B3GNT5: variants seen among roughly 807,000 people sequenced by gnomAD.
B3GNT5 encodes the protein lactosylceramide 1,3-N-acetyl-beta-D-glucosaminyltransferase.
B3GNT5 carries 11 observed loss-of-function variants against 25.9 expected under a neutral mutation model. That is an observed-to-expected ratio of 0.42 (90% CI 0.27 to 0.70). B3GNT5 has a LOEUF of 0.70. Ranked by LOEUF, B3GNT5 falls within the 30% of genes least tolerant of loss-of-function variation. The pLI, the probability that B3GNT5 is intolerant of heterozygous loss-of-function variation, is 0.23. For synonymous variants in B3GNT5, 166 were observed against 158.6 expected (o/e 1.05, Z -0.35); for missense variants, 385 against 458.4 (o/e 0.84, Z 1.46).
chr3:183,263,299 C>T (rs1034869649), intron 1 of B3GNT5, among the ~76,000 whole-genome samples: 1 of 152,104 alleles, frequency 6.6e-6, no homozygotes, highest in African/African-American at 2.4e-5. Context: ...TTCACTGTTG[C>T]TTTTCTTCCT....
chr3:183,268,622 A>G (rs1289800026), intron 1 of B3GNT5, among the ~76,000 whole-genome samples: 2 of 152,164 alleles, frequency 1.3e-5, no homozygotes, highest in Non-Finnish European at 2.9e-5. Context: ...TGGGTGAGAA[A>G]TGACACTTGA....
At chr3:183,264,729 G>C (rs1193559586) in intron 1 of B3GNT5, among the ~76,000 whole-genome samples, 1 of 152,196 alleles carries the variant, frequency 6.6e-6, no homozygotes, top group Admixed American at 6.5e-5. Flanking sequence ...TTGACAGCAG[G>C]GGTAAGGTTT....
intron 1 of B3GNT5, among the ~76,000 whole-genome samples, chr3:183,255,765 C>A (rs187397172): frequency 2.7e-5 from 4 of 150,074 alleles, no homozygotes; most frequent in African/African-American, 9.9e-5. Context: ...AAATGGTGAT[C>A]AGTTTTCTCT....
chr3:183,264,935 G>T (rs1288508537), intron 1 of B3GNT5, among the ~76,000 whole-genome samples: 2 of 152,120 alleles, frequency 1.3e-5, no homozygotes, highest in Non-Finnish European at 2.9e-5. Flanking sequence ...TTATTCTTCT[G>T]ACTACCTCTA....
intron 1 of B3GNT5, among the ~76,000 whole-genome samples, chr3:183,260,638 C>T (rs1305178867): frequency 1.3e-5 from 2 of 152,026 alleles, no homozygotes; most frequent in Non-Finnish European, 2.9e-5. Context: ...CTGTCTTTAC[C>T]CATTTGTTCA....
At chr3:183,269,037 T>A (rs1726438368) in intron 1 of B3GNT5, among the ~76,000 whole-genome samples, 1 of 152,136 alleles carries the variant, frequency 6.6e-6, no homozygotes, top group South Asian at 2.1e-4. Context: ...AAAAGAAGTC[T>A]TACTCTTATT....
At position 183,270,270 on chromosome 3, in the gene B3GNT5, C is replaced by A. The variant is rs1560389304; in HGVS notation, c.472C>A (p.Gln158Lys). 1 of 1,614,134 alleles carries A rather than the reference C, an allele frequency of 6.2e-7. No homozygotes were observed. The highest frequency in any genetic ancestry group is 8.5e-7 in the Non-Finnish European group (1 of 1,180,004). The change falls in exon 2 of 2, where the codon CAG becomes AAG. Residue 158 changes from glutamine to lysine, a missense_variant. Coordinates refer to ENST00000326505, the MANE Select transcript of B3GNT5 (RefSeq NM_032047.5). This position sits in a 1 kb window ranked among gnomAD's most constrained non-coding sequence, Gnocchi z 4.5. ...AGATCAAAGGTACAATGATATAATT[C>A]AGCAAGACTTTGTTGATTCTTTCTA... ...WEDQRYNDIIQQDFVDSFYNL... is the reference protein window; with the variant it reads ...WEDQRYNDIIKQDFVDSFYNL...
chr3:183,259,765 T>C (rs1361376312), intron 1 of B3GNT5, among the ~76,000 whole-genome samples: 1 of 152,156 alleles, frequency 6.6e-6, no homozygotes, highest in African/African-American at 2.4e-5. Context: ...GAATCTTTTT[T>C]GTGGTTGAAA....
chr3:183,266,111 A>G (rs1215810409), intron 1 of B3GNT5: 1 of 152,260 alleles, frequency 6.6e-6, no homozygotes, highest in Non-Finnish European at 1.5e-5. Context: ...CAACAGCAGC[A>G]ATGCACCAAC....
chr3:183,258,018 A>C (rs928315022), intron 1 of B3GNT5, among the ~76,000 whole-genome samples: 9 of 113,620 alleles, frequency 7.9e-5, no homozygotes, highest in Admixed American at 5.5e-4. Context: ...CCCAGGCTGG[A>C]GTGCAATGGT....
Position 183,272,761 on chromosome 3 carries a change from A to G in B3GNT5, c.*1826A>G, listed in dbSNP as rs1726891142. On this transcript the variant is annotated 3_prime_UTR_variant, in exon 2 of 2. Transcript: ENST00000326505. ...ATTTTTATTAGTTGATTGATTAATG[A>G]TGTATTGCCTTTTGCCCATATATAC... 9.2e-7 allele frequency: 1 copy of G among 1,085,838 alleles called. No individual in the cohort carries two copies. The highest frequency in any genetic ancestry group is 5.3e-5 in the Admixed American group (1 of 18,898). 67.3% of individuals were successfully genotyped at this position (1,085,838 alleles called of 1,614,324 possible). A position where few individuals can be genotyped will look rare whatever the true frequency, so the allele number is the denominator to read the frequency against.
chr3:183,259,638 A>G (rs1725404289), intron 1 of B3GNT5, among the ~76,000 whole-genome samples: 1 of 151,974 alleles, frequency 6.6e-6, no homozygotes, highest in African/African-American at 2.4e-5. Context: ...ATTTTACCCA[A>G]TACTTGCTTA....
intron 1 of B3GNT5, among the ~76,000 whole-genome samples, chr3:183,255,470 C>G (rs1724957949): frequency 6.6e-6 from 1 of 152,140 alleles, no homozygotes; most frequent in Admixed American, 6.5e-5. Context: ...CTTCCTTATC[C>G]TCCCGCACAC....
rs1393428784 is a variant in B3GNT5 at position 183,269,846 on chromosome 3, T to C, written c.48T>C (p.Ile16=). 2.5e-6 allele frequency: 4 copies of C among 1,613,030 alleles called. No homozygotes were observed. The highest frequency in any genetic ancestry group is 3.4e-6 in the Non-Finnish European group (4 of 1,179,662). The part of the protein sequence containing the change: ...SGRRVKKWQL[I]IQLFATCFLA... ...GAAGAGTCAAAAAATGGCAGTTAAT[T>C]ATTCAGTTATTTGCTACTTGTTTTT... is the stretch of plus-strand genomic sequence containing the variant. The change falls in exon 2 of 2, where the codon ATT becomes ATC. Residue 16 remains isoleucine, a synonymous_variant. Coordinates refer to ENST00000326505, the MANE Select transcript of B3GNT5 (RefSeq NM_032047.5).
Position 183,273,067 on chromosome 3 carries a change from GT to G in B3GNT5, c.*2133del, listed in dbSNP as rs1347513362. ...ACTTAAAGTACTGAGAAGAGTATCT[GT>G]AAATAAAAGGGTTCCAACCTTTTAA... On this transcript the variant is annotated 3_prime_UTR_variant, in exon 2 of 2. Coordinates refer to ENST00000326505, the MANE Select transcript of B3GNT5 (RefSeq NM_032047.5). 6.8e-7 allele frequency: 1 copy of G among 1,469,462 alleles called. No individual in the cohort carries two copies. Among genetic ancestry groups the G allele is most frequent in the African/African-American group, 1.4e-5 (1 of 69,260 alleles). The allele number at this position is 1,469,462 out of a possible 1,614,324, so 91.0% of individuals were successfully genotyped here. A position where few individuals can be genotyped will look rare whatever the true frequency, so the allele number is the denominator to read the frequency against.
chr3:183,264,753 A>T (rs1035080423), intron 1 of B3GNT5, among the ~76,000 whole-genome samples: 1 of 152,204 alleles, frequency 6.6e-6, no homozygotes, highest in African/African-American at 2.4e-5. Flanking sequence ...ACAATCAGGG[A>T]TTATTGCAGG....
chr3:183,258,732 C>T (rs1725309448), intron 1 of B3GNT5, among the ~76,000 whole-genome samples: 1 of 151,794 alleles, frequency 6.6e-6, no homozygotes, highest in South Asian at 2.1e-4. Context: ...TTCCCATGTA[C>T]TCTTTTTTTT....
At chr3:183,259,467 TCA>T (rs2108412056) in intron 1 of B3GNT5, among the ~76,000 whole-genome samples, 1 of 152,324 alleles carries the variant, frequency 6.6e-6, no homozygotes, top group Admixed American at 6.5e-5. Flanking sequence ...TTACATCTCT[TCA>T]TCAGGTTTAC....
chr3:183,266,083 T>G (rs1726088193), intron 1 of B3GNT5: 1 of 152,200 alleles, frequency 6.6e-6, no homozygotes, highest in Admixed American at 6.5e-5. Flanking sequence ...AGCTGCCGGC[T>G]TACAGTAGCC....
Sources: gnomAD v4.1 joint callset for allele counts (sites outside exome capture counted in the v4.1 genomes callset) on GRCh38, gnomAD v4.1.1 for gene constraint, Gnocchi (gnomAD v3.1) non-coding constraint, MANE v1.5 for transcripts, NCBI Gene and HGNC (gene_info 2026-07-23, HGNC 2026-07-21) for gene names.